CDH13: variants seen among roughly 807,000 people sequenced by gnomAD.
CDH13 encodes cadherin-13.
CDH13 carries 24 observed loss-of-function variants against 63.8 expected under a neutral mutation model. That is an observed-to-expected ratio of 0.38 (90% confidence interval 0.27 to 0.53). The LOEUF (loss-of-function observed/expected upper bound fraction) is 0.53. Among genes scored for constraint, CDH13 ranks in the 20% least tolerant of loss-of-function variants. CDH13 has a pLI of 0.85. For synonymous variants in CDH13, 503 were observed against 355.3 expected, an observed-to-expected ratio of 1.42 and a Z score of -4.67; for missense variants, 1,049 against 903.1, an observed-to-expected ratio of 1.16 and a Z score of -2.07.
intron 1 of CDH13, among the ~76,000 whole-genome samples, chr16:82,639,623 T>C (rs1218648983): frequency 1.3e-5 from 2 of 152,222 alleles, no homozygotes; most frequent in South Asian, 2.1e-4. Context: ...TGTAGCTATA[T>C]AGAGACACCT....
At position 82,675,770 on chromosome 16, in the gene CDH13, CT is replaced by C. The variant is rs907068068; in HGVS notation, c.45+48636del. ...AATTTTTCTATATATCCAGTCCAGC[CT>C]TTGTGACCTCTGCCTTTAACACAAA... On this transcript the variant is annotated intron_variant, in intron 1 of 13. Transcript: ENST00000567109. 2.0e-5 allele frequency among the ~76,000 whole-genome samples: 3 copies of C among 152,164 alleles called. No individual in the cohort carries two copies. The East Asian group carries it at 5.8e-4, about 29-fold the overall frequency.
At chr16:82,631,634 C>T (rs919811600) in intron 1 of CDH13, among the ~76,000 whole-genome samples, 1 of 152,206 alleles carries the variant, frequency 6.6e-6, no homozygotes, top group Non-Finnish European at 1.5e-5. Context: ...CCAGGCCTGG[C>T]TCCTCAGGTA....
Position 82,888,967 on chromosome 16 carries a change from G to A in CDH13, c.157+30494G>A, listed in dbSNP as rs544226759. ...TGCTTGGGGTGTTTTAAGATCCTGT[G>A]CCTTTAATAGATTTCCTGAACTAAC... On this transcript the variant is annotated intron_variant, in intron 2 of 13. Coordinates refer to ENST00000567109, the MANE Select transcript of CDH13 (RefSeq NM_001257.5). Among the ~76,000 whole-genome samples, 7 of 152,238 alleles carry A rather than the reference G, an allele frequency of 4.6e-5. No homozygotes were observed. The East Asian group carries it at 1.2e-3, about 25-fold the overall frequency.
At chr16:83,346,027 A>G (rs1477231561) in intron 6 of CDH13, among the ~76,000 whole-genome samples, 1 of 152,196 alleles carries the variant, frequency 6.6e-6, no homozygotes, top group Non-Finnish European at 1.5e-5. Flanking sequence ...AATTGTATGC[A>G]AGATGCCTAA....
intron 2 of CDH13, among the ~76,000 whole-genome samples, chr16:83,010,162 A>AAAAAAAAAC (rs1913995847): frequency 7.0e-6 from 1 of 141,862 alleles, no homozygotes; most frequent in Non-Finnish European, 1.6e-5. Flanking sequence ...AAAAAAAAAA[A>AAAAAAAAAC]CAAGAATGGC....
chr16:82,944,096 A>T (rs901864272), intron 2 of CDH13, among the ~76,000 whole-genome samples: 3 of 152,206 alleles, frequency 2.0e-5, no homozygotes, highest in African/African-American at 7.2e-5. Context: ...TTCATTACTC[A>T]GCCATTATGT....
At chr16:83,499,743 G>A (rs1016355115) in intron 7 of CDH13, among the ~76,000 whole-genome samples, 1 of 152,142 alleles carries the variant, frequency 6.6e-6, no homozygotes, top group Non-Finnish European at 1.5e-5. Flanking sequence ...GCTGTTATCT[G>A]TATTTTCTAG....
At chr16:82,957,616 A>G (rs1240538789) in intron 2 of CDH13, among the ~76,000 whole-genome samples, 3 of 152,192 alleles carry the variant, frequency 2.0e-5, no homozygotes, top group East Asian at 3.9e-4. Flanking sequence ...AGGGCAGTAT[A>G]CTTTAGTGAT....
At chr16:83,456,020 T>C (rs1000497185) in intron 6 of CDH13, among the ~76,000 whole-genome samples, 1 of 152,226 alleles carries the variant, frequency 6.6e-6, no homozygotes, top group Non-Finnish European at 1.5e-5. Context: ...CTGCTGTCTG[T>C]CTTCAGCGAG....
At chr16:83,154,115 A>G (rs572765039) in intron 4 of CDH13, among the ~76,000 whole-genome samples, 2 of 152,264 alleles carry the variant, frequency 1.3e-5, no homozygotes, top group East Asian at 3.9e-4. Context: ...CACATGTTCC[A>G]TTGAGAAATG....
rs74348123 is a variant in CDH13 at position 83,180,166 on chromosome 16, G to T, written c.484-37179G>T. On this transcript the variant is annotated intron_variant, in intron 4 of 13. Transcript: ENST00000567109. ...TTTTTTTGTTGTTGTTGGTTTGTTT[G>T]TTTGTTTTTTTTATTAGGAAAACAT... 9.0e-3 allele frequency among the ~76,000 whole-genome samples: 1,362 copies of T among 151,880 alleles called. 23 individuals carry two copies. The highest frequency in any genetic ancestry group is 0.031 in the African/African-American group (1,296 of 41,416).
At chr16:83,100,135 A>G (rs767018262) in intron 3 of CDH13, among the ~76,000 whole-genome samples, 1 of 152,242 alleles carries the variant, frequency 6.6e-6, no homozygotes, top group Admixed American at 6.5e-5. Flanking sequence ...AGGACACACC[A>G]GGTGCCAAGG....
intron 2 of CDH13, among the ~76,000 whole-genome samples, chr16:82,920,832 A>G (rs970795561): frequency 6.6e-6 from 1 of 152,206 alleles, no homozygotes; most frequent in Non-Finnish European, 1.5e-5. Context: ...TCATCTATTA[A>G]ACATTTATAC....
At chr16:82,756,315 T>C (rs934079046) in intron 1 of CDH13, among the ~76,000 whole-genome samples, 1 of 152,130 alleles carries the variant, frequency 6.6e-6, no homozygotes, top group Admixed American at 6.5e-5. Context: ...ATCCTTCTGA[T>C]AGGGAAAGAA....
intron 6 of CDH13, among the ~76,000 whole-genome samples, chr16:83,427,334 A>G (rs1473825475): frequency 2.0e-5 from 3 of 152,140 alleles, no homozygotes; most frequent in Non-Finnish European, 4.4e-5. Context: ...GTGTCCTTAC[A>G]AGAGGGATAG....
At chr16:83,566,312 A>G (rs946778274) in intron 7 of CDH13, among the ~76,000 whole-genome samples, 1 of 152,196 alleles carries the variant, frequency 6.6e-6, no homozygotes, top group African/African-American at 2.4e-5. Context: ...ACCTCAATGC[A>G]TAAAGAATAT....
Position 82,861,991 on chromosome 16 carries a change from C to T in CDH13, c.157+3518C>T, listed in dbSNP as rs565997650. Among the ~76,000 whole-genome samples, 11 of 152,170 alleles carry T rather than the reference C, an allele frequency of 7.2e-5. No homozygotes were observed. The South Asian group carries it at 2.1e-3, about 29-fold the overall frequency. On this transcript the variant is annotated intron_variant, in intron 2 of 13. Transcript: ENST00000567109. ...TCTTCCCATTTGTCAATGAAAAATA[C>T]AAGAAGAAAGGAGAAGTCAGCTTAG...
At chr16:82,966,670 T>G (rs1907884457) in intron 2 of CDH13, among the ~76,000 whole-genome samples, 1 of 152,202 alleles carries the variant, frequency 6.6e-6, no homozygotes, top group African/African-American at 2.4e-5. Flanking sequence ...GCAAAAAGAA[T>G]GTAGGTAATT....
At position 82,847,710 on chromosome 16, in the gene CDH13, G is replaced by A. The variant is rs950855718; in HGVS notation, c.46-10652G>A. ...TCTTTAGGGGACTACTGTCTATTCTGTTTGCGTTATCTCATTAAAGCTTCC... is the reference window on the plus strand; with the variant it reads ...TCTTTAGGGGACTACTGTCTATTCTATTTGCGTTATCTCATTAAAGCTTCC... On this transcript the variant is annotated intron_variant, in intron 1 of 13. Transcript: ENST00000567109. Among the ~76,000 whole-genome samples, 14 of 152,130 alleles carry A rather than the reference G, an allele frequency of 9.2e-5. No homozygotes were observed. The East Asian group carries it at 1.7e-3, about 19-fold the overall frequency.
Sources: allele counts gnomAD v4.1 joint callset (sites outside exome capture counted in the v4.1 genomes callset), GRCh38; gene constraint gnomAD v4.1.1; transcripts MANE v1.5; gene names NCBI Gene and HGNC (gene_info 2026-07-23, HGNC 2026-07-21).